CFAP299: variants seen among roughly 807,000 people sequenced by gnomAD.
The protein encoded by CFAP299 is cilia- and flagella-associated protein 299.
In CFAP299, 21 loss-of-function variants were observed where a neutral mutation model predicts 27.0. The ratio of observed to expected loss-of-function variants is 0.78; its 90% CI spans 0.55 to 1.12. The LOEUF (loss-of-function observed/expected upper bound fraction) is 1.12. Among genes scored for constraint, CFAP299 ranks in the 50% most tolerant of loss-of-function variants. The pLI is 0.00. For synonymous variants in CFAP299, 104 were observed against 98.1 expected (o/e 1.06, Z -0.36); for missense variants, 310 against 276.6 (o/e 1.12, Z -0.86).
intron 2 of CFAP299, among the ~76,000 whole-genome samples, chr4:80,430,289 A>G: frequency 6.6e-6 from 1 of 152,210 alleles, no homozygotes; most frequent in Admixed American, 6.5e-5. Context: ...AAACAAATCC[A>G]TTGGCCAGTT....
At chr4:80,368,048 G>A (rs533027662) in intron 2 of CFAP299, among the ~76,000 whole-genome samples, 1 of 152,228 alleles carries the variant, frequency 6.6e-6, no homozygotes, top group East Asian at 1.9e-4. Flanking sequence ...TATCTTATTG[G>A]GAAATGAATT....
chr4:80,928,087 C>T (rs985139020), intron 4 of CFAP299, among the ~76,000 whole-genome samples: 19 of 152,144 alleles, frequency 1.2e-4, no homozygotes, highest in Non-Finnish European at 1.5e-5. Context: ...CCAGATACAG[C>T]AACAGAGAAG....
chr4:80,800,550 CAATATATTATATAATATATT>C (rs1728478282), intron 3 of CFAP299, among the ~76,000 whole-genome samples: 1 of 18,744 alleles, frequency 5.3e-5, no homozygotes, highest in Non-Finnish European at 7.9e-5. Flanking sequence ...TATAATATAT[CAATATATTATATAATATATT>C]AATATAAATA....
At chr4:80,491,097 T>C (rs1731108632) in intron 2 of CFAP299, among the ~76,000 whole-genome samples, 1 of 152,010 alleles carries the variant, frequency 6.6e-6, no homozygotes, top group Admixed American at 6.6e-5. Context: ...GTTTAAAATA[T>C]AGATATCATT....
At chr4:80,533,536 G>A (rs1421709738) in intron 2 of CFAP299, among the ~76,000 whole-genome samples, 2 of 151,924 alleles carry the variant, frequency 1.3e-5, no homozygotes, top group Non-Finnish European at 2.9e-5. Flanking sequence ...TTAACTGTTG[G>A]CAAAACAAAG....
chr4:80,911,153 T>C (rs1340727146), intron 4 of CFAP299, among the ~76,000 whole-genome samples: 1 of 151,554 alleles, frequency 6.6e-6, no homozygotes, highest in African/African-American at 2.4e-5. Flanking sequence ...TTTGTTCCTT[T>C]CTATGTTCCT....
intron 3 of CFAP299, among the ~76,000 whole-genome samples, chr4:80,698,690 C>T (rs1472036776): frequency 6.6e-6 from 1 of 152,198 alleles, no homozygotes; most frequent in African/African-American, 2.4e-5. Context: ...ACTCACAGTT[C>T]CACATGGCTG....
At chr4:80,861,491 C>T (rs143212780) in intron 3 of CFAP299, among the ~76,000 whole-genome samples, 6,817 of 152,208 alleles carry the variant, frequency 0.045, 235 homozygotes, top group East Asian at 0.14. Flanking sequence ...AGAAATCACC[C>T]GTCTTCTGCG....
At chr4:80,752,761 C>T (rs1313838529) in intron 3 of CFAP299, among the ~76,000 whole-genome samples, 1 of 151,860 alleles carries the variant, frequency 6.6e-6, no homozygotes, top group African/African-American at 2.4e-5. Flanking sequence ...TATTTTATCT[C>T]CACTATTGGC....
At chr4:80,919,780 G>T (rs544221990) in intron 4 of CFAP299, among the ~76,000 whole-genome samples, 1 of 152,178 alleles carries the variant, frequency 6.6e-6, no homozygotes, top group East Asian at 1.9e-4. Flanking sequence ...TCACCATCCA[G>T]ATAGAATCAA....
intron 4 of CFAP299, among the ~76,000 whole-genome samples, chr4:80,898,730 C>T (rs1734736091): frequency 6.6e-6 from 1 of 151,948 alleles, no homozygotes. Context: ...GGAAGGCATA[C>T]CATAAAGGAA....
the CFAP299 span, among the ~76,000 whole-genome samples, chr4:80,322,153 C>A: frequency 6.6e-6 from 1 of 152,194 alleles, no homozygotes; most frequent in Admixed American, 6.5e-5. Context: ...TCGGTTCTGT[C>A]CTTGAAAACT....
At position 80,735,557 on chromosome 4, in the gene CFAP299, A is replaced by T. The variant is rs561269863; in HGVS notation, c.334-134436A>T. ...TCTTAATTTTTGTCTATTCAATAAG[A>T]TACTAGCTGTGGGTCTATCATATAT... On this transcript the variant is annotated intron_variant, in intron 3 of 5. Transcript: ENST00000358105. 1.7e-4 allele frequency among the ~76,000 whole-genome samples: 26 copies of T among 152,262 alleles called. No homozygotes were observed. The East Asian group carries it at 4.4e-3, about 26-fold the overall frequency.
At chr4:80,908,608 T>G (rs550255193) in intron 4 of CFAP299, among the ~76,000 whole-genome samples, 1 of 152,230 alleles carries the variant, frequency 6.6e-6, no homozygotes, top group Non-Finnish European at 1.5e-5. Context: ...TTTCCTTCAC[T>G]CTGTTTCTCA....
chr4:80,614,582 A>G (rs1207875545), intron 3 of CFAP299, among the ~76,000 whole-genome samples: 1 of 152,130 alleles, frequency 6.6e-6, no homozygotes, highest in East Asian at 1.9e-4. Context: ...CTGCCTCCTA[A>G]AAGGTTGGGA....
intron 3 of CFAP299, among the ~76,000 whole-genome samples, chr4:80,821,304 T>C (rs1396022201): frequency 1.3e-5 from 2 of 152,206 alleles, no homozygotes; most frequent in Non-Finnish European, 2.9e-5. Context: ...CTGAAAACGT[T>C]AAGTTGAAGA....
At chr4:80,333,517 T>C (rs1254903734), upstream of CFAP299, among the ~76,000 whole-genome samples, 2 of 152,142 alleles carry the variant, frequency 1.3e-5, no homozygotes, top group Non-Finnish European at 2.9e-5. Flanking sequence ...CAAACCAAAG[T>C]ATGTTTTCCT....
chr4:80,919,754 T>C (rs1446853520), intron 4 of CFAP299, among the ~76,000 whole-genome samples: 1 of 152,192 alleles, frequency 6.6e-6, no homozygotes, highest in Non-Finnish European at 1.5e-5. Context: ...CCATGTTTGA[T>C]ACTACTGTGT....
At chr4:80,370,043 A>G (rs918126192) in intron 2 of CFAP299, among the ~76,000 whole-genome samples, 79 of 152,234 alleles carry the variant, frequency 5.2e-4, no homozygotes, top group African/African-American at 1.8e-3. Context: ...CAGGCTATAC[A>G]GGAAGCATGG....
Sources: allele counts gnomAD v4.1 joint callset (sites outside exome capture counted in the v4.1 genomes callset), GRCh38; gene constraint gnomAD v4.1.1; transcripts MANE v1.5; gene names NCBI Gene and HGNC (gene_info 2026-07-23, HGNC 2026-07-21).